Variants in MACROD2 observed in about 807,000 individuals in gnomAD.
MACROD2 encodes the protein mono-ADP ribosylhydrolase 2.
Under a neutral mutation model 70.4 loss-of-function variants are expected in MACROD2, and 36 were observed. The ratio of observed to expected loss-of-function variants is 0.51; its 90% CI spans 0.39 to 0.68. The LOEUF (loss-of-function observed/expected upper bound fraction) is 0.68. MACROD2 is among the 30% of genes least tolerant of loss of function. MACROD2 has a pLI of 0.00. For missense variants in MACROD2, 496 were observed against 538.4 expected (o/e 0.92, Z 0.78); for synonymous variants, 172 against 178.8 (o/e 0.96, Z 0.30).
chr20:14,354,404 C>G (rs188377899), intron 3 of MACROD2, among the ~76,000 whole-genome samples: 54 of 152,140 alleles, frequency 3.5e-4, no homozygotes, highest in Non-Finnish European at 5.1e-4. Flanking sequence ...ATTCGAAGAA[C>G]CATTTTTTAT....
At chr20:15,480,416 C>T (rs1203583935) in intron 7 of MACROD2, among the ~76,000 whole-genome samples, 2 of 152,064 alleles carry the variant, frequency 1.3e-5, no homozygotes, top group East Asian at 3.9e-4. Context: ...TATGTGTGCC[C>T]CTATTTTAGG....
rs972597806 is a variant in MACROD2, at chr20:15,421,607, A to G, written c.541-9798A>G. ...AAAAAAGGCAAGTTCCAGAACATAAAAACCAATGTAAGCTCCAATTTGTAT... is the reference window on the plus strand; with the variant it reads ...AAAAAAGGCAAGTTCCAGAACATAAGAACCAATGTAAGCTCCAATTTGTAT... On this transcript the variant is annotated intron_variant, in intron 6 of 17. Coordinates refer to ENST00000684519, the MANE Select transcript of MACROD2 (RefSeq NM_001351661.2). Among the ~76,000 whole-genome samples the G allele has an allele frequency of 6.1e-4, 92 of 151,982 alleles. 1 individual carries two copies. The highest frequency in any genetic ancestry group is 2.1e-3 in the African/African-American group (85 of 41,236).
At chr20:15,343,823 A>G (rs2078135452) in intron 6 of MACROD2, among the ~76,000 whole-genome samples, 1 of 152,202 alleles carries the variant, frequency 6.6e-6, no homozygotes, top group Non-Finnish European at 1.5e-5. Flanking sequence ...GATAGAGATC[A>G]ACTGTAACAT....
chr20:14,820,017 G>T (rs1363257849), intron 5 of MACROD2, among the ~76,000 whole-genome samples: 2 of 152,094 alleles, frequency 1.3e-5, no homozygotes, highest in African/African-American at 4.8e-5. Flanking sequence ...AGCATCCTAA[G>T]TAATTCTGAT....
At chr20:15,277,996 AT>A (rs1325122201) in intron 6 of MACROD2, among the ~76,000 whole-genome samples, 2 of 152,212 alleles carry the variant, frequency 1.3e-5, no homozygotes, top group Admixed American at 1.3e-4. Context: ...CAGGAAGAAA[AT>A]AAATAAACTA....
chr20:15,046,563 G>A (rs1429903291), intron 5 of MACROD2, among the ~76,000 whole-genome samples: 1 of 152,198 alleles, frequency 6.6e-6, no homozygotes, highest in African/African-American at 2.4e-5. Context: ...ACACATGCAT[G>A]TATGTATTAA....
chr20:15,729,625 T>C (rs6079947), intron 8 of MACROD2, among the ~76,000 whole-genome samples: 118,176 of 152,050 alleles, frequency 0.78, 46,163 homozygotes, highest in Middle Eastern at 0.85. Context: ...CTGATGTTCG[T>C]TGTTTATTTT....
intron 4 of MACROD2, among the ~76,000 whole-genome samples, chr20:14,535,264 G>A (rs1367440847): frequency 6.6e-6 from 1 of 152,114 alleles, no homozygotes; most frequent in African/African-American, 2.4e-5. Flanking sequence ...AGCACTTTGG[G>A]AGGCTGAGGC....
In MACROD2 at chr20:14,165,071, G is replaced by A. The variant is rs572741247; in HGVS notation, c.271+79343G>A. ...GTAAATGGCACTCCAGGGATGTGGG[G>A]ATGCAGGGGCTGTTGGGACCCAGGG... On this transcript the variant is annotated intron_variant, in intron 3 of 17. Coordinates refer to ENST00000684519, the MANE Select transcript of MACROD2 (RefSeq NM_001351661.2). Among the ~76,000 whole-genome samples the A allele has an allele frequency of 2.6e-5, 4 of 152,306 alleles. No individual in the cohort carries two copies. The South Asian group carries it at 6.2e-4, about 24-fold the overall frequency.
intron 5 of MACROD2, among the ~76,000 whole-genome samples, chr20:14,804,892 T>A (rs866262553): frequency 2.3e-4 from 34 of 148,710 alleles, no homozygotes; most frequent in South Asian, 1.3e-3. Context: ...TGTGTGTGTG[T>A]GAGAGAGAGA....
At chr20:16,003,074 C>CACACA (rs1568700473) in intron 15 of MACROD2, among the ~76,000 whole-genome samples, 2 of 37,640 alleles carry the variant, frequency 5.3e-5, no homozygotes, top group African/African-American at 1.7e-4. Context: ...GAAAACCCAC[C>CACACA]CACCCACCCA....
At chr20:15,070,552 A>G (rs1294513550) in intron 5 of MACROD2, among the ~76,000 whole-genome samples, 5 of 152,136 alleles carry the variant, frequency 3.3e-5, no homozygotes, top group Admixed American at 6.5e-5. Flanking sequence ...CAGATCCCTC[A>G]TGAATGGCTT....
chr20:15,826,514 T>C (rs2063998733), intron 8 of MACROD2, among the ~76,000 whole-genome samples: 2 of 152,248 alleles, frequency 1.3e-5, no homozygotes, highest in African/African-American at 4.8e-5. Context: ...AAAGCTTTTT[T>C]TAAGCTTTTG....
rs567568662 is a variant in MACROD2, at chr20:15,786,939, G to A, written c.646-75806G>A. Among the ~76,000 whole-genome samples the A allele has an allele frequency of 2.0e-4, 31 of 152,158 alleles. No homozygotes were observed. In the East Asian group the frequency reaches 3.7e-3, roughly 18 times the overall value. ...CCCAATTTTTGTATCCCATACTGTA[G>A]GAATAAAGAAAATTTTTGTTTTGTT... On this transcript the variant is annotated intron_variant, in intron 8 of 17. Transcript: ENST00000684519.
chr20:14,032,315 G>C (rs1031064612), intron 2 of MACROD2, among the ~76,000 whole-genome samples: 2 of 152,046 alleles, frequency 1.3e-5, no homozygotes, highest in Non-Finnish European at 2.9e-5. Context: ...TTTTTTGTGA[G>C]ATTCCTACAA....
intron 5 of MACROD2, among the ~76,000 whole-genome samples, chr20:15,027,585 A>G (rs1446370803): frequency 6.6e-6 from 1 of 151,906 alleles, no homozygotes; most frequent in Non-Finnish European, 1.5e-5. Flanking sequence ...ATTTGTGAAA[A>G]AAGTTTAGCC....
At chr20:14,022,589 G>T (rs6042482) in intron 2 of MACROD2, among the ~76,000 whole-genome samples, 1 of 151,482 alleles carries the variant, frequency 6.6e-6, no homozygotes, top group Non-Finnish European at 1.5e-5. Flanking sequence ...TATCTTTCCC[G>T]TAGCCCTCCC....
intron 8 of MACROD2, among the ~76,000 whole-genome samples, chr20:15,775,628 T>G (rs1013182793): frequency 6.6e-6 from 1 of 152,142 alleles, no homozygotes; most frequent in Non-Finnish European, 1.5e-5. Context: ...CGTTTACATA[T>G]GGAATAGCCA....
intron 8 of MACROD2, among the ~76,000 whole-genome samples, chr20:15,695,740 T>C (rs1273578651): frequency 1.3e-5 from 2 of 152,150 alleles, no homozygotes; most frequent in East Asian, 3.9e-4. Flanking sequence ...TGTTTTGTAG[T>C]TTTCCTTGTA....
Sources: allele counts gnomAD v4.1 joint callset (sites outside exome capture counted in the v4.1 genomes callset), GRCh38; gene constraint gnomAD v4.1.1; transcripts MANE v1.5; gene names NCBI Gene and HGNC (gene_info 2026-07-23, HGNC 2026-07-21).